KAZN: variants seen among roughly 807,000 people sequenced by gnomAD.
KAZN encodes the protein kazrin, periplakin interacting protein.
A neutral mutation model predicts 87.4 loss-of-function variants in KAZN; 40 were observed. The ratio of observed to expected loss-of-function variants is 0.46; its 90% CI spans 0.36 to 0.60. The LOEUF (loss-of-function observed/expected upper bound fraction) is 0.60. Ranked by LOEUF, KAZN falls within the 20% of genes least tolerant of loss-of-function variation. The pLI is 0.00. For synonymous variants in KAZN, 466 were observed against 458.3 expected (o/e 1.02, Z -0.22); for missense variants, 898 against 1,073.9 (o/e 0.84, Z 2.29).
intron 1 of KAZN, among the ~76,000 whole-genome samples, chr1:14,668,824 TG>T (rs1449570372): frequency 6.6e-6 from 1 of 152,238 alleles, no homozygotes; most frequent in African/African-American, 2.4e-5. Flanking sequence ...TGCATGCTAA[TG>T]GCATGAAGCC....
At chr1:14,881,806 A>G (rs1439005373) in intron 1 of KAZN, among the ~76,000 whole-genome samples, 2 of 152,236 alleles carry the variant, frequency 1.3e-5, no homozygotes, top group Non-Finnish European at 2.9e-5. Flanking sequence ...ACTGGGGATA[A>G]GATTACTATT....
Position 13,996,454 on chromosome 1 carries a change from G to C in KAZN, c.91+102698G>C, listed in dbSNP as rs141802672. The stretch of plus-strand genomic sequence containing the variant: ...CTAACACACTAAGCTCCCTGGGTGG[G>C]GGAAGGGCAGCATTCATCTCTATAG... On this transcript the variant is annotated intron_variant, in intron 1 of 16. Transcript: ENST00000636203. Among the ~76,000 whole-genome samples, 779 of 152,286 alleles carry C rather than the reference G, an allele frequency of 5.1e-3. 1 individual carries two copies. The highest frequency in any genetic ancestry group is 0.016 in the African/African-American group (661 of 41,572).
At chr1:13,926,154 T>C (rs932420979) in intron 1 of KAZN, among the ~76,000 whole-genome samples, 1 of 152,166 alleles carries the variant, frequency 6.6e-6, no homozygotes, top group Non-Finnish European at 1.5e-5. Context: ...ACCAATTCTC[T>C]CCCAAACTGA....
rs1639260298 is a variant in KAZN at position 15,066,845 on chromosome 1, A to G, written c.1222+1092A>G. 1 of 985,452 alleles carries G rather than the reference A, an allele frequency of 1.0e-6. No individual in the cohort carries two copies. Among genetic ancestry groups the G allele is most frequent in the East Asian group, 1.1e-4 (1 of 8,804 alleles). 61.0% of individuals were successfully genotyped at this position (985,452 alleles called of 1,614,324 possible). ...CTCTGTCTCTCCCATTCTCCTGCCC[A>G]TGCATGAAAGGATCCTCCACCTTCT... On this transcript the variant is annotated intron_variant, in intron 8 of 14. Coordinates refer to ENST00000376030, the MANE Select transcript of KAZN (RefSeq NM_201628.3). The surrounding 1 kb of genome is among the most constrained non-coding windows in gnomAD (Gnocchi z 4.3).
chr1:14,233,114 G>A (rs908379548), intron 2 of KAZN, among the ~76,000 whole-genome samples: 2 of 152,032 alleles, frequency 1.3e-5, no homozygotes, highest in African/African-American at 4.8e-5. Flanking sequence ...TAGCAGTAGA[G>A]GCACTTAGTT....
chr1:14,771,555 G>A (rs771145483), intron 1 of KAZN, among the ~76,000 whole-genome samples: 1 of 152,100 alleles, frequency 6.6e-6, no homozygotes, highest in Non-Finnish European at 1.5e-5. Flanking sequence ...CCTGGGCGAG[G>A]TGGCTTACAC....
intron 6 of KAZN, chr1:15,062,123 C>A (rs1407671033): frequency 2.0e-5 from 3 of 152,224 alleles, no homozygotes; most frequent in South Asian, 2.1e-4. Context: ...GCTGGAAAAA[C>A]CCCATTCTGC....
intron 2 of KAZN, among the ~76,000 whole-genome samples, chr1:14,447,488 C>T (rs1266062518): frequency 3.3e-5 from 5 of 152,104 alleles, no homozygotes; most frequent in Non-Finnish European, 7.4e-5. Context: ...ATCCACCCGC[C>T]TTGGCCTCCC....
chr1:14,120,933 G>T (rs1455504943), intron 1 of KAZN, among the ~76,000 whole-genome samples: 1 of 152,200 alleles, frequency 6.6e-6, no homozygotes, highest in Non-Finnish European at 1.5e-5. Flanking sequence ...CAGAGCAAGA[G>T]ACCCAGATGG....
intron 1 of KAZN, among the ~76,000 whole-genome samples, chr1:14,656,913 G>A (rs184266511): frequency 6.6e-6 from 1 of 152,224 alleles, no homozygotes; most frequent in African/African-American, 2.4e-5. Flanking sequence ...GCAAAATCGT[G>A]CTATTATCAC....
At chr1:14,510,688 T>C (rs974933492) in intron 2 of KAZN, among the ~76,000 whole-genome samples, 2 of 152,092 alleles carry the variant, frequency 1.3e-5, no homozygotes, top group African/African-American at 4.8e-5. Flanking sequence ...GTGTGTAAAA[T>C]GGATTGTGGT....
At chr1:14,180,465 A>G in exon 2 of KAZN, 1 of 1,550,394 alleles carries the variant, frequency 6.4e-7, no homozygotes, top group Non-Finnish European at 8.7e-7. Context: ...CTCAATGACC[A>G]GATTTCCCAT....
intron 2 of KAZN, among the ~76,000 whole-genome samples, chr1:14,427,654 C>A (rs1191123149): frequency 6.6e-6 from 1 of 151,518 alleles, no homozygotes; most frequent in Non-Finnish European, 1.5e-5. Flanking sequence ...AGTAAAAATA[C>A]CAAGTATAAT....
intron 2 of KAZN, among the ~76,000 whole-genome samples, chr1:15,000,151 A>C (rs951157488): frequency 1.3e-5 from 2 of 151,548 alleles, no homozygotes; most frequent in East Asian, 3.9e-4. Context: ...GAGATGTGAG[A>C]CTGGAAAAAG....
intron 2 of KAZN, among the ~76,000 whole-genome samples, chr1:14,424,317 TCAGATGAGCA>T (rs1223766933): frequency 6.6e-6 from 1 of 152,144 alleles, no homozygotes; most frequent in Non-Finnish European, 1.5e-5. Flanking sequence ...ATGGCTGAGC[TCAGATGAGCA>T]CAGATGAGAC....
chr1:14,002,514 T>G (rs1207417330), intron 1 of KAZN, among the ~76,000 whole-genome samples: 8 of 152,266 alleles, frequency 5.3e-5, no homozygotes, highest in African/African-American at 1.7e-4. Flanking sequence ...GCCATGATTC[T>G]GAGGCCTCCC....
At chr1:14,137,502 A>G (rs1645133023) in intron 1 of KAZN, among the ~76,000 whole-genome samples, 1 of 152,094 alleles carries the variant, frequency 6.6e-6, no homozygotes, top group African/African-American at 2.4e-5. Context: ...GCTTAGGCTC[A>G]AGTTCTATTG....
At chr1:14,931,054 G>C (rs532781181) in intron 1 of KAZN, among the ~76,000 whole-genome samples, 2 of 152,294 alleles carry the variant, frequency 1.3e-5, no homozygotes, top group South Asian at 4.1e-4. Context: ...CCTCTACTAG[G>C]TGAGGAAACT....
At chr1:13,944,180 A>T (rs1185999936) in intron 1 of KAZN, among the ~76,000 whole-genome samples, 1 of 152,248 alleles carries the variant, frequency 6.6e-6, no homozygotes, top group Non-Finnish European at 1.5e-5. Flanking sequence ...ATGGAATACT[A>T]TTCAGCAACA....
Sources: allele counts gnomAD v4.1 joint callset (sites outside exome capture counted in the v4.1 genomes callset), GRCh38; gene constraint gnomAD v4.1.1; non-coding constraint Gnocchi (gnomAD v3.1); transcripts MANE v1.5; gene names NCBI Gene and HGNC (gene_info 2026-07-23, HGNC 2026-07-21).